The following TAF3 variants were observed in gnomAD, a reference collection of about 807,000 sequenced individuals.
TAF3 encodes the protein TATA-box binding protein associated factor 3.
A neutral mutation model predicts 80.6 loss-of-function variants in TAF3; 7 were observed. That is an observed-to-expected ratio of 0.09 (90% CI 0.05 to 0.16). The LOEUF (loss-of-function observed/expected upper bound fraction) is 0.16. Among genes scored for constraint, TAF3 ranks in the 10% least tolerant of loss-of-function variants. The pLI is 1.00. For missense variants in TAF3, 921 were observed against 1,140.2 expected, an observed-to-expected ratio of 0.81 and a Z score of 2.77; for synonymous variants, 444 against 446.1, an observed-to-expected ratio of 1.00 and a Z score of 0.06.
intron 2 of TAF3, among the ~76,000 whole-genome samples, chr10:7,841,610 G>T (rs769016928): frequency 1.3e-5 from 2 of 150,678 alleles, no homozygotes; most frequent in Non-Finnish European, 2.9e-5. Flanking sequence ...AGATGTCACT[G>T]GAAGAGTCTT....
chr10:7,941,490 G>A (rs866792205), intron 2 of TAF3, among the ~76,000 whole-genome samples: 30 of 152,308 alleles, frequency 2.0e-4, no homozygotes, highest in Middle Eastern at 3.4e-3. Context: ...AGAGAGTGAA[G>A]AGTTTCAGAG....
chr10:7,831,766 C>G (rs1237963258), intron 2 of TAF3, among the ~76,000 whole-genome samples: 1 of 152,176 alleles, frequency 6.6e-6, no homozygotes, highest in African/African-American at 2.4e-5. Context: ...GTGACGTCCT[C>G]ACCTTCTGGT....
intron 2 of TAF3, among the ~76,000 whole-genome samples, chr10:7,873,047 A>G (rs1252216722): frequency 6.6e-6 from 1 of 152,150 alleles, no homozygotes; most frequent in Non-Finnish European, 1.5e-5. Flanking sequence ...AGACTAAATT[A>G]TAGATTATTT....
intron 2 of TAF3, among the ~76,000 whole-genome samples, chr10:7,946,165 G>A (rs1482902563): frequency 6.6e-6 from 1 of 151,230 alleles, no homozygotes; most frequent in African/African-American, 2.4e-5. Flanking sequence ...AAAACTACCG[G>A]TGACTTCCTA....
chr10:8,003,402 C>CATAT (rs1831962501), intron 4 of TAF3, among the ~76,000 whole-genome samples: 1 of 152,196 alleles, frequency 6.6e-6, no homozygotes, highest in Non-Finnish European at 1.5e-5. Context: ...TACTGGCTTA[C>CATAT]ATATCATTAT....
chr10:7,928,496 CCTAA>C (rs1305139995), intron 2 of TAF3, among the ~76,000 whole-genome samples: 1 of 152,106 alleles, frequency 6.6e-6, no homozygotes, highest in African/African-American at 2.4e-5. Flanking sequence ...TTATGAATTT[CCTAA>C]CTAGAGTATT....
chr10:7,924,867 T>C (rs1264219894), intron 2 of TAF3, among the ~76,000 whole-genome samples: 1 of 152,138 alleles, frequency 6.6e-6, no homozygotes, highest in Non-Finnish European at 1.5e-5. Context: ...CATGTTCATA[T>C]CTCACTTAAA....
intron 2 of TAF3, among the ~76,000 whole-genome samples, chr10:7,915,500 G>C (rs7916205): frequency 7.3e-4 from 110 of 149,758 alleles, no homozygotes; most frequent in African/African-American, 2.6e-3. Context: ...AAAATTAGCC[G>C]GGCATGGTGG....
rs1339856098 is a variant in TAF3 at position 7,823,464 on chromosome 10, C to T, written c.167-854C>T. 3.3e-5 allele frequency among the ~76,000 whole-genome samples: 5 copies of T among 151,220 alleles called. 1 individual carries two copies. The highest frequency in any genetic ancestry group is 7.4e-5 in the Non-Finnish European group (5 of 67,840). On this transcript the variant is annotated intron_variant, in intron 1 of 6. Transcript: ENST00000344293. ...TGAGCAACATAGCAAGAACTCATCTCTACAAAATTAAAAAAAAAAAAATTA... is the reference window on the plus strand; with the variant it reads ...TGAGCAACATAGCAAGAACTCATCTTTACAAAATTAAAAAAAAAAAAATTA...
At chr10:7,884,951 T>G (rs1356891373) in intron 2 of TAF3, among the ~76,000 whole-genome samples, 1 of 152,144 alleles carries the variant, frequency 6.6e-6, no homozygotes, top group Non-Finnish European at 1.5e-5. Flanking sequence ...AGTTTCAGAA[T>G]TGCTAACCCA....
chr10:7,998,152 CA>C (rs1831906606), intron 4 of TAF3, among the ~76,000 whole-genome samples: 1 of 150,308 alleles, frequency 6.7e-6, no homozygotes, highest in African/African-American at 2.4e-5. Context: ...CCCTTGAAAA[CA>C]AAAAGTTAGG....
At chr10:7,840,080 T>C (rs1445416487) in intron 2 of TAF3, among the ~76,000 whole-genome samples, 1 of 152,128 alleles carries the variant, frequency 6.6e-6, no homozygotes, top group Non-Finnish European at 1.5e-5. Flanking sequence ...ATTTAAGGGA[T>C]TGAAAAATTT....
intron 2 of TAF3, among the ~76,000 whole-genome samples, chr10:7,896,611 C>A (rs139099335): frequency 6.6e-6 from 1 of 152,276 alleles, no homozygotes; most frequent in East Asian, 1.9e-4. Context: ...GTAAGTGGGA[C>A]AGAGGTCTTT....
At chr10:7,969,671 C>T (rs1831604128) in intron 3 of TAF3, among the ~76,000 whole-genome samples, 1 of 152,130 alleles carries the variant, frequency 6.6e-6, no homozygotes, top group Non-Finnish European at 1.5e-5. Context: ...AAGCCAAAAT[C>T]CATCTGTCAA....
intron 2 of TAF3, among the ~76,000 whole-genome samples, chr10:7,867,294 C>CA (rs952310374): frequency 2.6e-5 from 4 of 151,740 alleles, no homozygotes; most frequent in African/African-American, 9.7e-5. Flanking sequence ...CAAAAACCAC[C>CA]AAAAAAAGAT....
chr10:7,840,169 T>C (rs543740351), intron 2 of TAF3, among the ~76,000 whole-genome samples: 1 of 152,026 alleles, frequency 6.6e-6, no homozygotes, highest in Non-Finnish European at 1.5e-5. Context: ...TTTTTTTTTT[T>C]CGAGACGGAG....
In TAF3 at chr10:7,854,201, A is replaced by G. The variant is rs939635221; in HGVS notation, c.409+29641A>G. On this transcript the variant is annotated intron_variant, in intron 2 of 6. Transcript: ENST00000344293. ...AAGAACCATCAGGTTTACAGGGATA[A>G]TATATTCAAGGCTCATGAGAATTTA... Among the ~76,000 whole-genome samples the G allele has an allele frequency of 2.6e-5, 4 of 152,234 alleles. No homozygotes were observed. In the South Asian group the frequency reaches 6.2e-4, roughly 24 times the overall value.
chr10:7,936,846 T>G (rs1022663903), intron 2 of TAF3, among the ~76,000 whole-genome samples: 5 of 151,898 alleles, frequency 3.3e-5, no homozygotes, highest in Non-Finnish European at 7.4e-5. Flanking sequence ...CATCCCTCCC[T>G]CCCTGTACCC....
At chr10:7,935,320 A>G (rs1013644430) in intron 2 of TAF3, among the ~76,000 whole-genome samples, 6 of 151,628 alleles carry the variant, frequency 4.0e-5, no homozygotes, top group African/African-American at 1.5e-4. Flanking sequence ...TAAAGCGGCC[A>G]GGCGCGGTGG....
Sources: gnomAD v4.1 joint callset for allele counts (sites outside exome capture counted in the v4.1 genomes callset) on GRCh38, gnomAD v4.1.1 for gene constraint, MANE v1.5 for transcripts, NCBI Gene and HGNC (gene_info 2026-07-23, HGNC 2026-07-21) for gene names.